TRPC4: variants seen among roughly 807,000 people sequenced by gnomAD.
The protein encoded by TRPC4 is transient receptor potential cation channel subfamily C member 4.
In TRPC4, 49 loss-of-function variants were observed where a neutral mutation model predicts 99.4. The observed-to-expected ratio is 0.49, with a 90% CI of 0.39 to 0.63. The LOEUF (loss-of-function observed/expected upper bound fraction) is 0.63. TRPC4 is among the 20% of genes least tolerant of loss of function. The probability of loss-of-function intolerance (pLI) is 0.00; values close to 1 mark genes in which losing one functional copy is unlikely to be tolerated. For missense variants in TRPC4, 898 were observed against 1,152.9 expected, an observed-to-expected ratio of 0.78 and a Z score of 3.20; for synonymous variants, 454 against 425.9, an observed-to-expected ratio of 1.07 and a Z score of -0.81.
chr13:37,695,107 G>C (rs992164846), intron 3 of TRPC4, among the ~76,000 whole-genome samples: 20 of 151,882 alleles, frequency 1.3e-4, no homozygotes, highest in African/African-American at 4.6e-4. Flanking sequence ...TTGTAACATA[G>C]ATTAAATCAC....
chr13:37,819,128 G>GAT (rs1478472042), intron 1 of TRPC4, among the ~76,000 whole-genome samples: 8 of 151,962 alleles, frequency 5.3e-5, no homozygotes, highest in African/African-American at 1.9e-4. Context: ...ACTACAATGA[G>GAT]ATACCATCTT....
chr13:37,800,636 G>GT (rs1169905437), intron 1 of TRPC4, among the ~76,000 whole-genome samples: 2 of 152,024 alleles, frequency 1.3e-5, no homozygotes, highest in African/African-American at 4.8e-5. Flanking sequence ...ATAGGTATAT[G>GT]TAGATAGCTG....
intron 2 of TRPC4, among the ~76,000 whole-genome samples, chr13:37,758,922 C>A (rs535399615): frequency 4.6e-5 from 7 of 151,358 alleles, no homozygotes; most frequent in Non-Finnish European, 7.4e-5. Context: ...ATTTTTCTTA[C>A]AATAAATATA....
chr13:37,752,992 GCACA>G (rs527774572), intron 2 of TRPC4, among the ~76,000 whole-genome samples: 3 of 140,278 alleles, frequency 2.1e-5, no homozygotes, highest in South Asian at 2.3e-4. Flanking sequence ...ACACACACAC[GCACA>G]CACACACACA....
chr13:37,654,620 C>A (rs1484787807), intron 7 of TRPC4, among the ~76,000 whole-genome samples: 1 of 152,152 alleles, frequency 6.6e-6, no homozygotes, highest in African/African-American at 2.4e-5. Context: ...TCTCTTAATA[C>A]ATTGCTTTCC....
chr13:37,818,658 G>A (rs560860948), intron 1 of TRPC4, among the ~76,000 whole-genome samples: 1 of 152,162 alleles, frequency 6.6e-6, no homozygotes, highest in East Asian at 1.9e-4. Flanking sequence ...GCAGGGACAT[G>A]GATGAAGCTG....
At chr13:37,855,691 T>C (rs1355338325) in intron 1 of TRPC4, among the ~76,000 whole-genome samples, 1 of 151,738 alleles carries the variant, frequency 6.6e-6, no homozygotes, top group Non-Finnish European at 1.5e-5. Flanking sequence ...TCTTCTTTCA[T>C]CACAATGGAA....
chr13:37,829,881 G>C (rs1958365142), intron 1 of TRPC4, among the ~76,000 whole-genome samples: 1 of 152,144 alleles, frequency 6.6e-6, no homozygotes, highest in Non-Finnish European at 1.5e-5. Flanking sequence ...AGGGAAGTCA[G>C]ACACAAAAGA....
chr13:37,823,531 C>T (rs1227556729), intron 1 of TRPC4, among the ~76,000 whole-genome samples: 1 of 151,546 alleles, frequency 6.6e-6, no homozygotes, highest in East Asian at 1.9e-4. Flanking sequence ...AATAGGGAAT[C>T]CTTTCCCCAT....
intron 3 of TRPC4, among the ~76,000 whole-genome samples, chr13:37,730,346 T>C (rs955081355): frequency 1.3e-4 from 20 of 152,020 alleles, no homozygotes; most frequent in African/African-American, 4.6e-4. Context: ...TTTCAAGAGC[T>C]TGAAAACCCT....
chr13:37,822,443 C>G (rs1361253643), intron 1 of TRPC4, among the ~76,000 whole-genome samples: 1 of 150,250 alleles, frequency 6.7e-6, no homozygotes, highest in Non-Finnish European at 1.5e-5. Flanking sequence ...ACAACAGTCC[C>G]CACAGTGTGA....
intron 5 of TRPC4, 124 bp downstream of exon 5, chr13:37,674,104 G>A (rs1305807761): frequency 1.3e-5 from 11 of 875,302 alleles, no homozygotes; most frequent in Middle Eastern, 7.2e-4. Context: ...ATAAAACCAT[G>A]AGCTGATGAA....
intron 1 of TRPC4, among the ~76,000 whole-genome samples, chr13:37,788,910 A>G (rs9532117): frequency 0.53 from 80,492 of 151,924 alleles, 25,706 homozygotes; most frequent in South Asian, 0.74. Context: ...AATCATTTCT[A>G]TGTCTTACTG....
intron 4 of TRPC4, among the ~76,000 whole-genome samples, chr13:37,691,123 A>G (rs1465961738): frequency 6.6e-6 from 1 of 151,856 alleles, no homozygotes; most frequent in Non-Finnish European, 1.5e-5. Flanking sequence ...TTTTTTTGAG[A>G]CAGAGTCTCA....
intron 3 of TRPC4, among the ~76,000 whole-genome samples, chr13:37,739,182 T>C (rs1442536259): frequency 6.6e-6 from 1 of 152,124 alleles, no homozygotes; most frequent in African/African-American, 2.4e-5. Flanking sequence ...CTGGGTATAA[T>C]ATAAGGGAAG....
chr13:37,632,209 T>C lies in TRPC4; in HGVS notation c.*4694A>G, dbSNP rs1477343373. 2.0e-5 allele frequency among the ~76,000 whole-genome samples: 3 copies of C among 152,196 alleles called. No individual in the cohort carries two copies. Among genetic ancestry groups the C allele is most frequent in the Non-Finnish European group, 2.9e-5 (2 of 68,032 alleles). Reference sequence around the variant, plus strand: ...AATGTTCCTGAGCAGCACTGTCCAATAGAAATGTATTGCAAGGCACAAATG... The same window carrying C: ...AATGTTCCTGAGCAGCACTGTCCAACAGAAATGTATTGCAAGGCACAAATG... On this transcript the variant is annotated 3_prime_UTR_variant, in exon 11 of 11. Coordinates refer to ENST00000379705, the MANE Select transcript of TRPC4 (RefSeq NM_016179.4).
chr13:37,763,060 T>G (rs557445817), intron 2 of TRPC4, among the ~76,000 whole-genome samples: 28 of 151,500 alleles, frequency 1.8e-4, no homozygotes, highest in African/African-American at 6.0e-4. Flanking sequence ...TTGAACAGGA[T>G]TTTTGTGCAA....
chr13:37,838,031 G>A (rs937944837), intron 1 of TRPC4, among the ~76,000 whole-genome samples: 3 of 152,154 alleles, frequency 2.0e-5, no homozygotes, highest in African/African-American at 7.2e-5. Flanking sequence ...CATGTAAGAC[G>A]TGACTTGTTC....
In TRPC4 at chr13:37,746,161, A is replaced by G; in HGVS notation, c.673T>C (p.Trp225Arg). 1 of 1,613,842 alleles carries G rather than the reference A, an allele frequency of 6.2e-7. No individual in the cohort carries two copies. The highest frequency in any genetic ancestry group is 8.5e-7 in the Non-Finnish European group (1 of 1,179,878). ...DPFLTAFQLS[W>R]ELQELSKVEN... ...ACCTTGCTCAGTTCCTGAAGTTCCC[A>G]ACTTAACTGAAAGGCTGTGAGAAAA... Residue 225 changes from tryptophan (W) to arginine (R), a missense_variant, in exon 3 of 11, where the codon TGG becomes CGG. Physicochemically the swap from Trp to Arg is moderately radical, Grantham distance 101. Coordinates refer to ENST00000379705, the MANE Select transcript of TRPC4 (RefSeq NM_016179.4).
Sources: allele counts gnomAD v4.1 joint callset (sites outside exome capture counted in the v4.1 genomes callset), GRCh38; gene constraint gnomAD v4.1.1; transcripts MANE v1.5; gene names NCBI Gene and HGNC (gene_info 2026-07-23, HGNC 2026-07-21).